The following TTC12 variants were observed in gnomAD, a reference collection of about 807,000 sequenced individuals.
TTC12 encodes tetratricopeptide repeat domain 12.
TTC12 carries 70 observed loss-of-function variants against 90.1 expected under a neutral mutation model. That is an observed-to-expected ratio of 0.78 (90% CI 0.64 to 0.95). The LOEUF (loss-of-function observed/expected upper bound fraction) is 0.95, where lower values mean the gene tolerates loss of function less well. TTC12 is among the 40% of genes least tolerant of loss of function. The pLI is 0.00. For synonymous variants in TTC12, 296 were observed against 311.5 expected (o/e 0.95, Z 0.53); for missense variants, 819 against 846.1 (o/e 0.97, Z 0.40).
At chr11:113,340,352 T>G (rs1948613470) in intron 10 of TTC12, among the ~76,000 whole-genome samples, 1 of 152,222 alleles carries the variant, frequency 6.6e-6, no homozygotes, top group African/African-American at 2.4e-5. Flanking sequence ...TTCCCATAGG[T>G]TAAGCAGCTC....
At chr11:113,352,304 G>A in intron 16 of TTC12, 97 bp downstream of exon 16, 1 of 1,541,614 alleles carries the variant, frequency 6.5e-7, no homozygotes, top group South Asian at 1.2e-5. Flanking sequence ...CTGTTTCTGT[G>A]GGTGTTGGAT....
rs1947637857 is a variant in TTC12 at position 113,325,600 on chromosome 11, G to A, written c.399G>A (p.Leu133=). ...CTATCCTGCGCTACAGTGAGGGTTT[G>A]GAGAAGCTGAAGGACATGAAAGTGC... ...ETAILRYSEG[L]EKLKDMKVLY... The change falls in exon 6 of 22, where the codon TTG becomes TTA. Residue 133 remains leucine (L), a synonymous_variant. Transcript: ENST00000529221. 1.2e-6 allele frequency: 2 copies of A among 1,613,920 alleles called. No individual in the cohort carries two copies. The highest frequency in any genetic ancestry group is 1.7e-5 in the Admixed American group (1 of 59,996).
At position 113,323,415 on chromosome 11, in the gene TTC12, C is replaced by T. The variant is rs1555139498; in HGVS notation, c.186C>T (p.Asn62=). The T allele has an allele frequency of 8.1e-6, 13 of 1,611,110 alleles. No homozygotes were observed. The highest frequency in any genetic ancestry group is 1.1e-5 in the Non-Finnish European group (13 of 1,179,106). Residue 62 remains asparagine (N), a synonymous_variant, in exon 3 of 22, where the codon AAC becomes AAT. Coordinates refer to ENST00000529221, the MANE Select transcript of TTC12 (RefSeq NM_017868.4). ...QEEDECRTTL[N]KTMISPPQTA... is the part of the protein sequence containing the mutation. ...AGGATGAATGCAGGACCACCTTGAA[C>T]AAGACTATGATCAGTCCTCCACAAA...
In TTC12 at chr11:113,324,710, G is replaced by T. The variant is rs1555140334; in HGVS notation, c.322+28G>T. The T allele has an allele frequency of 5.6e-6, 9 of 1,595,346 alleles. No individual in the cohort carries two copies. The African/African-American group carries it at 1.1e-4, about 19-fold the overall frequency. Reference sequence around the variant, plus strand: ...AATTGTCAGTCCTTACTTTTCAATGGCTGGGATGATTTGTGCTAGAAAGAG... The same window carrying T: ...AATTGTCAGTCCTTACTTTTCAATGTCTGGGATGATTTGTGCTAGAAAGAG... On this transcript the variant is annotated intron_variant, in intron 5 of 21. Transcript: ENST00000529221.
chr11:113,356,033 G>A lies in TTC12; in HGVS notation c.1447-3330G>A, dbSNP rs1949615046. Among the ~76,000 whole-genome samples, 3 of 152,276 alleles carry A rather than the reference G, an allele frequency of 2.0e-5. No homozygotes were observed. In the South Asian group the frequency reaches 6.2e-4, roughly 32 times the overall value. ...ATCTCAGTGATCTGATATTGTCAGT[G>A]GGGTGATAAAGTCTCCTGCTATTAT... On this transcript the variant is annotated intron_variant, in intron 16 of 21. Coordinates refer to ENST00000529221, the MANE Select transcript of TTC12 (RefSeq NM_017868.4).
At chr11:113,351,914 C>T (rs1314753086) in intron 15 of TTC12, among the ~76,000 whole-genome samples, 156 bp from the exon 16 acceptor site, 1 of 152,198 alleles carries the variant, frequency 6.6e-6, no homozygotes, top group Non-Finnish European at 1.5e-5. Flanking sequence ...TATGTGCCTC[C>T]ATCCGTTGCC....
At chr11:113,335,688 T>C (rs1189985036) in intron 8 of TTC12, among the ~76,000 whole-genome samples, 4 of 152,240 alleles carry the variant, frequency 2.6e-5, no homozygotes, top group Non-Finnish European at 5.9e-5. Context: ...CTGTGGTCTT[T>C]TGTAACTGAG....
intron 2 of TTC12, among the ~76,000 whole-genome samples, chr11:113,321,118 CCA>C (rs1421255653): frequency 2.0e-5 from 3 of 152,046 alleles, no homozygotes; most frequent in African/African-American, 7.2e-5. Flanking sequence ...TCGTAGAAAT[CCA>C]AATGGGTGCA....
downstream of TTC12, chr11:113,368,987 C>A (rs1055076): frequency 0.21 from 34,110 of 158,828 alleles, 4,464 homozygotes; most frequent in East Asian, 0.51. Context: ...GGTTCCGTTA[C>A]AGGAGAGAAT....
At chr11:113,349,993 G>T (rs940807790) in intron 13 of TTC12, 80 bp from the exon 14 acceptor site, 191 of 1,143,138 alleles carry the variant, frequency 1.7e-4, no homozygotes, top group Non-Finnish European at 2.2e-4. Flanking sequence ...CTCCTTTTTT[G>T]GTTTCCTTGC....
intron 14 of TTC12, 110 bp from the exon 15 acceptor site, chr11:113,351,129 C>A: frequency 1.0e-6 from 1 of 1,002,952 alleles, no homozygotes; most frequent in Non-Finnish European, 1.5e-6. Flanking sequence ...TCCATGCACA[C>A]TCTAAATCAT....
At chr11:113,350,232 A>C in intron 14 of TTC12, 67 bp downstream of exon 14, 1 of 1,263,726 alleles carries the variant, frequency 7.9e-7, no homozygotes, top group Non-Finnish European at 1.1e-6. Flanking sequence ...TGATCTTTAA[A>C]AATGTGCTGT....
intron 10 of TTC12, among the ~76,000 whole-genome samples, chr11:113,340,446 C>T (rs1324917197): frequency 1.3e-5 from 2 of 152,264 alleles, no homozygotes; most frequent in African/African-American, 4.8e-5. Flanking sequence ...CTTCTCTAAA[C>T]AGTCCCTCCG....
intron 6 of TTC12, among the ~76,000 whole-genome samples, chr11:113,328,047 T>A (rs1469137559): frequency 6.6e-6 from 1 of 152,202 alleles, no homozygotes; most frequent in Admixed American, 6.5e-5. Context: ...CATGTAAGTA[T>A]CTCATGAGGT....
At chr11:113,359,483 G>T in intron 17 of TTC12, 22 bp downstream of exon 17, 1 of 1,540,804 alleles carries the variant, frequency 6.5e-7, no homozygotes, top group Non-Finnish European at 9.0e-7. Context: ...TTGTCTCCCT[G>T]CCTGGAGCCC....
chr11:113,344,364 A>G lies in TTC12; in HGVS notation c.1078A>G (p.Ser360Gly), dbSNP rs552132966. Residue 360 changes from serine (S) to glycine (G), a missense_variant, in exon 13 of 22, where the codon AGC (serine) becomes GGC (glycine). Transcript: ENST00000529221. Reference sequence around the variant, plus strand: ...CAAGGTCCTGGCCATCCGGCAGCAGAGCTTTGCCCTGCTGCTGCATCTCGC... The same window carrying G: ...CAAGGTCCTGGCCATCCGGCAGCAGGGCTTTGCCCTGCTGCTGCATCTCGC... ...SSKVLAIRQQSFALLLHLAQT... is the reference protein window; with the variant it reads ...SSKVLAIRQQGFALLLHLAQT... The G allele has an allele frequency of 6.2e-7, 1 of 1,614,146 alleles. No homozygotes were observed. The highest frequency in any genetic ancestry group is 1.1e-5 in the South Asian group (1 of 91,078).
rs782693852 is a variant in TTC12 at position 113,323,372 on chromosome 11, T to C, written c.143T>C (p.Met48Thr). The C allele has an allele frequency of 8.7e-6, 14 of 1,613,540 alleles. No individual in the cohort carries two copies. Among genetic ancestry groups the C allele is most frequent in the Non-Finnish European group, 1.1e-5 (13 of 1,179,818 alleles). ...GAGACAGAAAAGAGACTACTGCTTA[T>C]GGAGGAAGACCAGGAGGAGGATGAA... ...VLETEKRLLL[M>T]EEDQEEDECR... The change falls in exon 3 of 22, where the codon ATG becomes ACG. Residue 48 changes from methionine to threonine, a missense_variant. Met to Thr is a moderately conservative substitution (Grantham distance 81, BLOSUM62 -1). Transcript: ENST00000529221.
In TTC12 at chr11:113,346,978, G is replaced by T. The variant is rs181251033; in HGVS notation, c.1154+2538G>T. ...AGAAAATCTGCCACCAAAAAAGAGG[G>T]TATGTGAGGAAATAGAAAGGGACAC... On this transcript the variant is annotated intron_variant, in intron 13 of 21. Coordinates refer to ENST00000529221, the MANE Select transcript of TTC12 (RefSeq NM_017868.4). 1.3e-4 allele frequency among the ~76,000 whole-genome samples: 20 copies of T among 152,268 alleles called. No individual in the cohort carries two copies. In the East Asian group the frequency reaches 3.9e-3, roughly 29 times the overall value.
chr11:113,356,248 C>T (rs1949626402), intron 16 of TTC12, among the ~76,000 whole-genome samples: 1 of 152,178 alleles, frequency 6.6e-6, no homozygotes, highest in Non-Finnish European at 1.5e-5. Flanking sequence ...TCATCTAAAA[C>T]TAGGATTGCA....
Sources: gnomAD v4.1 joint callset for allele counts (sites outside exome capture counted in the v4.1 genomes callset) on GRCh38, gnomAD v4.1.1 for gene constraint, MANE v1.5 for transcripts, NCBI Gene and HGNC (gene_info 2026-07-23, HGNC 2026-07-21) for gene names.